The following ZMYND8 variants were observed in gnomAD, a reference collection of about 807,000 sequenced individuals.
ZMYND8 encodes the protein MYND-type zinc finger-containing chromatin reader ZMYND8.
A neutral mutation model predicts 140.8 loss-of-function variants in ZMYND8; 37 were observed. The observed-to-expected ratio is 0.26, with a 90% confidence interval of 0.20 to 0.35. The LOEUF is 0.35. Among genes scored for constraint, ZMYND8 ranks in the 10% least tolerant of loss-of-function variants. The pLI, the probability that ZMYND8 is intolerant of heterozygous loss-of-function variation, is 1.00. For synonymous variants in ZMYND8, 592 were observed against 597.1 expected (o/e 0.99, Z 0.12); for missense variants, 1,068 against 1,570.0 (o/e 0.68, Z 5.40).
chr20:47,233,205 CTTTTTT>C (rs1174729822), intron 16 of ZMYND8, among the ~76,000 whole-genome samples: 7 of 91,398 alleles, frequency 7.7e-5, no homozygotes, highest in Admixed American at 3.5e-4. Context: ...CCGCACCAGG[CTTTTTT>C]TTTTTTTTTT....
intron 2 of ZMYND8, among the ~76,000 whole-genome samples, chr20:47,332,522 C>A (rs999710175): frequency 1.3e-5 from 2 of 152,030 alleles, no homozygotes; most frequent in Non-Finnish European, 2.9e-5. Context: ...CCAGCCTGGG[C>A]AACATAGCAA....
chr20:47,341,238 A>G (rs1282514494), intron 2 of ZMYND8, among the ~76,000 whole-genome samples: 1 of 152,198 alleles, frequency 6.6e-6, no homozygotes, highest in Admixed American at 6.5e-5. Flanking sequence ...TTGTCTACTG[A>G]GAAAATCTAG....
Position 47,238,822 on chromosome 20 carries a change from TTGC to T in ZMYND8, c.2598_2600del (p.Gln867del), listed in dbSNP as rs569370037. Reference sequence around the variant, plus strand: ...AAGACTGAGGCTGCTGCTGCTGGTTTTGCTGCTGCTGCTGCTGCTGCTGACGCT... The same window carrying T: ...AAGACTGAGGCTGCTGCTGCTGGTTTTGCTGCTGCTGCTGCTGCTGACGCT... On this transcript the variant is annotated inframe_deletion, in exon 15 of 23. Coordinates refer to ENST00000471951, the MANE Select transcript of ZMYND8 (RefSeq NM_001281775.3). 1.4e-4 allele frequency: 212 copies of T among 1,567,948 alleles called. 1 individual carries two copies. Among genetic ancestry groups the T allele is most frequent in the Admixed American group, 6.8e-4 (39 of 57,094 alleles).
intron 2 of ZMYND8, among the ~76,000 whole-genome samples, chr20:47,343,660 C>A (rs915736953): frequency 1.3e-5 from 2 of 151,740 alleles, no homozygotes; most frequent in African/African-American, 4.8e-5. Context: ...TATAGGCATA[C>A]AATGTTTGTT....
chr20:47,312,558 G>A (rs1167207321), intron 2 of ZMYND8, among the ~76,000 whole-genome samples: 1 of 152,162 alleles, frequency 6.6e-6, no homozygotes, highest in African/African-American at 2.4e-5. Flanking sequence ...CAGCTAGTTA[G>A]TGGGAAAACT....
chr20:47,223,762 G>T (rs542362635), intron 19 of ZMYND8, among the ~76,000 whole-genome samples: 288 of 150,876 alleles, frequency 1.9e-3, no homozygotes, highest in African/African-American at 6.4e-3. Context: ...GAAGGCAGAG[G>T]TTGCACTAAG....
chr20:47,301,461 A>G (rs2078043843), intron 3 of ZMYND8, among the ~76,000 whole-genome samples: 1 of 152,058 alleles, frequency 6.6e-6, no homozygotes, highest in African/African-American at 2.4e-5. Context: ...CAGCTGCATA[A>G]TTCTTTAGCC....
intron 16 of ZMYND8, among the ~76,000 whole-genome samples, chr20:47,232,897 G>GTTTTTTTTTT (rs144707608): frequency 1.1e-4 from 8 of 70,122 alleles, no homozygotes; most frequent in African/African-American, 3.0e-4. Context: ...GTTTTTTTTT[G>GTTTTTTTTTT]TTTTTTTTGT....
chr20:47,210,810 G>A lies in ZMYND8; in HGVS notation c.3656C>T (p.Thr1219Met), dbSNP rs1347712043. 7 of 1,613,996 alleles carry A rather than the reference G, an allele frequency of 4.3e-6. No homozygotes were observed. The highest frequency in any genetic ancestry group is 2.7e-5 in the African/African-American group (2 of 74,884). Residue 1219 changes from threonine (T) to methionine (M), a missense_variant, in exon 23 of 23, where the codon ACG becomes ATG. By Grantham distance (81) the Thr-to-Met change is moderately conservative. Coordinates refer to ENST00000471951, the MANE Select transcript of ZMYND8 (RefSeq NM_001281775.3). The stretch of plus-strand genomic sequence containing the variant: ...AGACTCTTTCGGGAGGAGGCTCTTC[G>A]TGCTGGTACTGGTGTTGTGATCGGA... Reference protein sequence around the residue: ...TRSDHNTSTSTKSLLPKESRL... With the variant: ...TRSDHNTSTSMKSLLPKESRL...
intron 2 of ZMYND8, among the ~76,000 whole-genome samples, chr20:47,336,142 G>A (rs1055315337): frequency 1.3e-5 from 2 of 152,154 alleles, no homozygotes; most frequent in Non-Finnish European, 2.9e-5. Context: ...TCTCACAGCC[G>A]TCCTCATAAA....
rs184799884 is a variant in ZMYND8 at position 47,331,955 on chromosome 20, G to A, written c.85+15901C>T. On this transcript the variant is annotated intron_variant, in intron 2 of 22. Coordinates refer to ENST00000471951, the MANE Select transcript of ZMYND8 (RefSeq NM_001281775.3). ...GCGGTGGCTCACGCCTGTAATCCCA[G>A]CACTTTGGAAGGCTGAGGCAGGCAG... 2.6e-5 allele frequency among the ~76,000 whole-genome samples: 4 copies of A among 152,346 alleles called. No individual in the cohort carries two copies. In the East Asian group the frequency reaches 7.7e-4, roughly 29 times the overall value.
At chr20:47,288,103 G>A (rs115218013) in intron 7 of ZMYND8, among the ~76,000 whole-genome samples, 206 of 152,178 alleles carry the variant, frequency 1.4e-3, no homozygotes, top group African/African-American at 4.6e-3. Context: ...TTGTTGACAC[G>A]AAGATTTCAC....
chr20:47,210,559 T>G lies in ZMYND8; in HGVS notation c.*202A>C. The G allele has an allele frequency of 1.5e-6, 1 of 662,914 alleles. No homozygotes were observed. The highest frequency in any genetic ancestry group is 1.8e-5 in the South Asian group (1 of 54,422). 41.1% of individuals were successfully genotyped at this position (662,914 alleles called of 1,614,324 possible). On this transcript the variant is annotated 3_prime_UTR_variant, in exon 23 of 23. Coordinates refer to ENST00000471951, the MANE Select transcript of ZMYND8 (RefSeq NM_001281775.3). ...ATTTACACCAAAAGCACAGGGCTCG[T>G]GTGGGTGAACAGTCTGCAGTCAAAG... is the stretch of plus-strand genomic sequence containing the variant.
chr20:47,247,727 T>TGCAAAAATA (rs1404126920), intron 13 of ZMYND8, among the ~76,000 whole-genome samples: 1 of 152,132 alleles, frequency 6.6e-6, no homozygotes, highest in Admixed American at 6.6e-5. Flanking sequence ...AAAAGAAACC[T>TGCAAAAATA]GCAAAAATAC....
At chr20:47,245,353 T>C (rs1332205651) in intron 14 of ZMYND8, among the ~76,000 whole-genome samples, 1 of 152,126 alleles carries the variant, frequency 6.6e-6, no homozygotes. Flanking sequence ...TTCAAGCGAT[T>C]ATCCTGCCTC....
At chr20:47,324,162 A>G (rs1321430900) in intron 2 of ZMYND8, among the ~76,000 whole-genome samples, 1 of 143,018 alleles carries the variant, frequency 7.0e-6, no homozygotes, top group Non-Finnish European at 1.5e-5. Context: ...AGATCATGCC[A>G]TTGCACTCCA....
chr20:47,293,401 G>A (rs958582778), intron 5 of ZMYND8, among the ~76,000 whole-genome samples: 1 of 152,152 alleles, frequency 6.6e-6, no homozygotes, highest in Non-Finnish European at 1.5e-5. Flanking sequence ...GCCATGGTTT[G>A]ACCTGGGACT....
intron 16 of ZMYND8, among the ~76,000 whole-genome samples, chr20:47,234,147 C>G (rs1406837778): frequency 6.6e-6 from 1 of 152,242 alleles, no homozygotes; most frequent in Non-Finnish European, 1.5e-5. Flanking sequence ...CTCCCAGGTT[C>G]AAGCAAGTCT....
At chr20:47,356,322 G>T in intron 1 of ZMYND8, 3 of 1,374,616 alleles carry the variant, frequency 2.2e-6, no homozygotes, top group Non-Finnish European at 2.9e-6. Context: ...AAGAGAGAGG[G>T]AAGAGGGAAA....
Sources: gnomAD v4.1 joint callset for allele counts (sites outside exome capture counted in the v4.1 genomes callset) on GRCh38, gnomAD v4.1.1 for gene constraint, MANE v1.5 for transcripts, NCBI Gene and HGNC (gene_info 2026-07-23, HGNC 2026-07-21) for gene names.